The following SASH1 variants were observed in gnomAD, a reference collection of about 807,000 sequenced individuals.
SASH1 encodes SAM and SH3 domain containing 1, also known as SAM and SH3 domain-containing protein 1.
Under a neutral mutation model 125.2 loss-of-function variants are expected in SASH1, and 44 were observed. The observed-to-expected ratio is 0.35, with a 90% CI of 0.28 to 0.45. The LOEUF is 0.45. SASH1 is among the 20% of genes least tolerant of loss of function. The pLI is 1.00. For missense variants in SASH1, 1,426 were observed against 1,614.5 expected (o/e 0.88, Z 2.00); for synonymous variants, 639 against 649.1 (o/e 0.98, Z 0.24).
chr6:148,213,019 C>T, the SASH1 span, among the ~76,000 whole-genome samples: 3 of 152,172 alleles, frequency 2.0e-5, no homozygotes, highest in Non-Finnish European at 4.4e-5. Flanking sequence ...CCTCCTTTTA[C>T]ATTCTCCTGC....
At chr6:148,266,576 C>T in the SASH1 span, among the ~76,000 whole-genome samples, 14 of 152,102 alleles carry the variant, frequency 9.2e-5, no homozygotes, top group Non-Finnish European at 1.8e-4. Flanking sequence ...ACAATTCCAA[C>T]GTAAGAGAAG....
At chr6:148,195,312 T>C in the SASH1 span, among the ~76,000 whole-genome samples, 1 of 152,214 alleles carries the variant, frequency 6.6e-6, no homozygotes. Flanking sequence ...AGCTGGGAGC[T>C]GATGTAGCAG....
intron 1 of SASH1, among the ~76,000 whole-genome samples, chr6:148,326,515 G>A (rs978108397): frequency 4.8e-5 from 7 of 147,038 alleles, no homozygotes; most frequent in East Asian, 4.0e-4. Context: ...AGCAATTCTC[G>A]TGCCTTGGTC....
intron 2 of SASH1, among the ~76,000 whole-genome samples, chr6:148,402,645 C>T (rs1015763312): frequency 5.2e-5 from 7 of 135,884 alleles, no homozygotes; most frequent in African/African-American, 1.7e-4. Context: ...GACAGAGTCT[C>T]GCTCGGTCGC....
At chr6:148,246,025 T>C in the SASH1 span, among the ~76,000 whole-genome samples, 2 of 151,412 alleles carry the variant, frequency 1.3e-5, no homozygotes, top group Non-Finnish European at 2.9e-5. Context: ...AGAATTAAGC[T>C]GGGAAACATC....
intron 2 of SASH1, among the ~76,000 whole-genome samples, chr6:148,437,566 A>C (rs1055362837): frequency 1.3e-5 from 2 of 152,222 alleles, no homozygotes; most frequent in Non-Finnish European, 2.9e-5. Flanking sequence ...AAAAGTAGCT[A>C]AACAAGCTGG....
intron 1 of SASH1, among the ~76,000 whole-genome samples, chr6:148,351,606 A>G (rs535276388): frequency 6.6e-6 from 1 of 151,274 alleles, no homozygotes; most frequent in Admixed American, 6.6e-5. Flanking sequence ...TGAGGAGCAG[A>G]ATAAAAAATC....
chr6:148,314,928 T>C (rs181253636), intron 1 of SASH1, among the ~76,000 whole-genome samples: 346 of 152,186 alleles, frequency 2.3e-3, no homozygotes, highest in Admixed American at 3.9e-3. Flanking sequence ...GGCTAATTTT[T>C]TGTATTTTTA....
At chr6:148,266,455 C>A in the SASH1 span, among the ~76,000 whole-genome samples, 2 of 152,154 alleles carry the variant, frequency 1.3e-5, no homozygotes, top group Non-Finnish European at 2.9e-5. Flanking sequence ...ACATATATGA[C>A]CTACCTCACA....
chr6:148,213,505 G>GT, the SASH1 span, among the ~76,000 whole-genome samples: 2 of 148,352 alleles, frequency 1.3e-5, no homozygotes, highest in African/African-American at 4.9e-5. Flanking sequence ...CTAGCCAAAG[G>GT]GTGTGTGTGT....
At chr6:148,488,735 T>C (rs568338351) in intron 8 of SASH1, among the ~76,000 whole-genome samples, 1 of 152,366 alleles carries the variant, frequency 6.6e-6, no homozygotes, top group Admixed American at 6.5e-5. Context: ...TGCATTTCCC[T>C]CAAGCATCTT....
intron 1 of SASH1, chr6:148,272,509 T>C: frequency 1.1e-5 from 4 of 349,298 alleles, no homozygotes; most frequent in South Asian, 4.9e-5. Context: ...GGATTTTCAG[T>C]GCTACTGATG....
intron 11 of SASH1, among the ~76,000 whole-genome samples, chr6:148,525,983 C>T (rs1444730094): frequency 1.3e-5 from 2 of 150,684 alleles, no homozygotes; most frequent in East Asian, 2.0e-4. Context: ...CAGGCCACCA[C>T]AGTGGCACAC....
chr6:148,234,594 G>C, the SASH1 span, among the ~76,000 whole-genome samples: 1 of 152,070 alleles, frequency 6.6e-6, no homozygotes, highest in African/African-American at 2.4e-5. Flanking sequence ...GGGAGGCCAA[G>C]GCAGGTAGAT....
At chr6:148,439,963 C>T (rs1776474741) in intron 2 of SASH1, among the ~76,000 whole-genome samples, 1 of 152,058 alleles carries the variant, frequency 6.6e-6, no homozygotes, top group South Asian at 2.1e-4. Flanking sequence ...TCAGCAGAGT[C>T]TGGCAACAAA....
At chr6:148,326,381 T>A (rs1562326349) in intron 1 of SASH1, among the ~76,000 whole-genome samples, 14 of 72,028 alleles carry the variant, frequency 1.9e-4, no homozygotes, top group South Asian at 1.3e-3. Context: ...TATACATTCT[T>A]TTCTTTTCTT....
chr6:148,253,651 T>C, the SASH1 span, among the ~76,000 whole-genome samples: 1 of 152,192 alleles, frequency 6.6e-6, no homozygotes, highest in African/African-American at 2.4e-5. Flanking sequence ...GGAGGGTGGA[T>C]CACAAGATCA....
chr6:148,498,744 A>G (rs1779427260), intron 8 of SASH1, among the ~76,000 whole-genome samples: 1 of 152,204 alleles, frequency 6.6e-6, no homozygotes, highest in Non-Finnish European at 1.5e-5. Flanking sequence ...TTCAGTTTGC[A>G]ATCCCAGTTT....
chr6:148,284,459 A>C (rs1224280515), intron 1 of SASH1, among the ~76,000 whole-genome samples: 1 of 152,160 alleles, frequency 6.6e-6, no homozygotes, highest in Admixed American at 6.6e-5. Context: ...AAAGTAATAC[A>C]TTTTCTACTG....
Sources: allele counts gnomAD v4.1 joint callset (sites outside exome capture counted in the v4.1 genomes callset), GRCh38; gene constraint gnomAD v4.1.1; transcripts MANE v1.5; gene names NCBI Gene and HGNC (gene_info 2026-07-23, HGNC 2026-07-21).